CHD1L: variants seen among roughly 807,000 people sequenced by gnomAD.
CHD1L encodes the protein chromodomain helicase DNA binding protein 1 like.
CHD1L carries 118 observed loss-of-function variants against 115.9 expected under a neutral mutation model. The ratio of observed to expected loss-of-function variants is 1.02; its 90% CI spans 0.88 to 1.19. CHD1L has a LOEUF of 1.19. Among genes scored for constraint, CHD1L ranks in the 50% most tolerant of loss-of-function variants. The pLI is 0.00. For synonymous variants in CHD1L, 411 were observed against 387.1 expected, an observed-to-expected ratio of 1.06 and a Z score of -0.72; for missense variants, 1,179 against 1,065.3, an observed-to-expected ratio of 1.11 and a Z score of -1.49.
the CHD1L span, among the ~76,000 whole-genome samples, chr1:147,198,768 C>A: frequency 6.8e-6 from 1 of 146,620 alleles, no homozygotes; most frequent in African/African-American, 2.5e-5. Flanking sequence ...GTAGAATGGC[C>A]TGAACCCAGA....
chr1:147,274,619 C>T (rs1677596056), intron 12 of CHD1L, among the ~76,000 whole-genome samples: 1 of 140,702 alleles, frequency 7.1e-6, no homozygotes, highest in South Asian at 2.3e-4. Flanking sequence ...CTTCACGGTT[C>T]TCTTAATTAA....
intron 1 of CHD1L, among the ~76,000 whole-genome samples, chr1:147,247,923 A>G (rs1430694783): frequency 6.6e-6 from 1 of 152,182 alleles, no homozygotes; most frequent in Admixed American, 6.5e-5. Context: ...CGAATGATGC[A>G]TGTGATTAGA....
the CHD1L span, chr1:147,223,913 A>C: frequency 2.7e-6 from 1 of 367,598 alleles, no homozygotes; most frequent in Non-Finnish European, 5.3e-6. Flanking sequence ...GACTGAGAAG[A>C]AAGCTGCTAG....
chr1:147,211,531 C>T, the CHD1L span: 2 of 152,114 alleles, frequency 1.3e-5, no homozygotes, highest in Non-Finnish European at 2.9e-5. Flanking sequence ...AGAATTGTAG[C>T]ACTAAGCTTC....
intron 18 of CHD1L, among the ~76,000 whole-genome samples, chr1:147,287,163 A>C (rs1342952808): frequency 6.6e-6 from 1 of 152,212 alleles, no homozygotes; most frequent in Non-Finnish European, 1.5e-5. Context: ...CGTGTAATAC[A>C]TGCTACCAAA....
At chr1:147,207,516 C>T in the CHD1L span, among the ~76,000 whole-genome samples, 1 of 152,164 alleles carries the variant, frequency 6.6e-6, no homozygotes, top group Non-Finnish European at 1.5e-5. Flanking sequence ...TCATTATAAT[C>T]TGTCCTCTTT....
At chr1:147,274,053 T>C (rs1677312534) in intron 12 of CHD1L, among the ~76,000 whole-genome samples, 1 of 152,156 alleles carries the variant, frequency 6.6e-6, no homozygotes, top group African/African-American at 2.4e-5. Flanking sequence ...TAAAATGAAA[T>C]AAGCACCTGA....
At chr1:147,232,915 C>T in the CHD1L span, among the ~76,000 whole-genome samples, 19 of 152,252 alleles carry the variant, frequency 1.2e-4, no homozygotes, top group African/African-American at 2.2e-4. Context: ...TCTGCCTGGC[C>T]GCCACCCCAT....
intron 1 of CHD1L, among the ~76,000 whole-genome samples, chr1:147,248,820 A>G (rs1667461207): frequency 6.6e-6 from 1 of 152,146 alleles, no homozygotes; most frequent in Non-Finnish European, 1.5e-5. Flanking sequence ...GTATGGAAAC[A>G]TTACTTCCCT....
chr1:147,240,088 T>C (rs1357032047), upstream of CHD1L, among the ~76,000 whole-genome samples: 1 of 152,250 alleles, frequency 6.6e-6, no homozygotes, highest in Non-Finnish European at 1.5e-5. Flanking sequence ...TGTCTTAGCA[T>C]TAATCCTACC....
At chr1:147,196,907 T>C in the CHD1L span, among the ~76,000 whole-genome samples, 2 of 152,260 alleles carry the variant, frequency 1.3e-5, no homozygotes, top group Middle Eastern at 3.4e-3. Context: ...TAGAGTGTCA[T>C]TACCTTGGTT....
chr1:147,182,862 C>T, the CHD1L span, among the ~76,000 whole-genome samples: 27 of 152,198 alleles, frequency 1.8e-4, no homozygotes, highest in Middle Eastern at 6.8e-3. Context: ...GAATTATAGA[C>T]GAGGACATAT....
chr1:147,179,313 A>C, the CHD1L span: 5 of 1,607,798 alleles, frequency 3.1e-6, no homozygotes, highest in Non-Finnish European at 4.3e-6. Flanking sequence ...TGCTGATTGA[A>C]TTTTATGCCC....
At chr1:147,292,525 T>C (rs1553971426) in intron 20 of CHD1L, among the ~76,000 whole-genome samples, 1 of 152,184 alleles carries the variant, frequency 6.6e-6, no homozygotes, top group African/African-American at 2.4e-5. Context: ...TGTTAGGCTG[T>C]TTTTGCACTG....
intron 18 of CHD1L, 78 bp downstream of exon 18, chr1:147,286,578 G>C (rs1240257095): frequency 3.0e-6 from 4 of 1,320,350 alleles, no homozygotes; most frequent in South Asian, 1.2e-5. Flanking sequence ...GGGGCACTGG[G>C]ACTGGGGTGG....
the CHD1L span, among the ~76,000 whole-genome samples, chr1:147,230,726 G>T: frequency 4.0e-5 from 6 of 148,948 alleles, no homozygotes; most frequent in Middle Eastern, 3.4e-3. Context: ...CTTCTTCCCG[G>T]TTTAGTCTTG....
chr1:147,285,197 G>A (rs1682580761), intron 16 of CHD1L, 127 bp from the exon 17 acceptor site: 1 of 1,057,180 alleles, frequency 9.5e-7, no homozygotes, highest in South Asian at 1.7e-5. Context: ...CCACCATGCA[G>A]GGTGTGTGGA....
the CHD1L span, among the ~76,000 whole-genome samples, chr1:147,191,524 T>C: frequency 1.4e-5 from 2 of 145,140 alleles, no homozygotes; most frequent in African/African-American, 4.9e-5. Flanking sequence ...CACTTTTTGA[T>C]GGGGTTGTTT....
At chr1:147,283,180 A>G (rs182515106) in intron 15 of CHD1L, among the ~76,000 whole-genome samples, 26 of 152,202 alleles carry the variant, frequency 1.7e-4, no homozygotes, top group Admixed American at 9.8e-4. Flanking sequence ...TCTCAGCTCT[A>G]TTTTTTTCTA....
Sources: gnomAD v4.1 joint callset for allele counts (sites outside exome capture counted in the v4.1 genomes callset) on GRCh38, gnomAD v4.1.1 for gene constraint, MANE v1.5 for transcripts, NCBI Gene and HGNC (gene_info 2026-07-23, HGNC 2026-07-21) for gene names.